ANXA8: variants seen among roughly 807,000 people sequenced by gnomAD.
ANXA8 encodes the protein VAC-beta.
In ANXA8, 9 loss-of-function variants were observed where a neutral mutation model predicts 26.8. The ratio of observed to expected loss-of-function variants is 0.34; its 90% confidence interval spans 0.20 to 0.59. The LOEUF (loss-of-function observed/expected upper bound fraction) is 0.59, where lower values mean the gene tolerates loss of function less well. Ranked by LOEUF, ANXA8 falls within the 20% of genes least tolerant of loss-of-function variation. ANXA8 has a pLI of 0.84. For missense variants in ANXA8, 83 were observed against 238.5 expected, an observed-to-expected ratio of 0.35 and a Z score of 4.29; for synonymous variants, 39 against 94.8, an observed-to-expected ratio of 0.41 and a Z score of 3.42.
the ANXA8 span, among the ~76,000 whole-genome samples, chr10:47,652,647 C>A: frequency 1.4e-5 from 2 of 143,438 alleles, no homozygotes; most frequent in Non-Finnish European, 3.0e-5. Flanking sequence ...TAATTAGTAA[C>A]CTTTAGTAAG....
At chr10:47,545,061 T>TTTTG in the ANXA8 span, among the ~76,000 whole-genome samples, 2,244 of 19,694 alleles carry the variant, frequency 0.11, 18 homozygotes, top group South Asian at 0.31. Flanking sequence ...TCTTCAGTCT[T>TTTTG]TTTGTTTGTT....
the ANXA8 span, chr10:47,753,128 A>G: frequency 4.1e-5 from 40 of 980,960 alleles, 1 homozygote; most frequent in African/African-American, 5.5e-4. Context: ...AAATAAAAAA[A>G]AAAAAGAAAA....
chr10:47,637,474 A>G, the ANXA8 span, among the ~76,000 whole-genome samples: 1 of 149,076 alleles, frequency 6.7e-6, no homozygotes, highest in African/African-American at 2.6e-5. Context: ...ATTTCTGCTT[A>G]CACAGAAAAT....
At chr10:47,587,165 T>C in the ANXA8 span, among the ~76,000 whole-genome samples, 408 of 146,712 alleles carry the variant, frequency 2.8e-3, 5 homozygotes, top group African/African-American at 0.01. Context: ...GATCATGCCA[T>C]TGCACTCCAA....
At chr10:47,707,819 CAAA>C in the ANXA8 span, among the ~76,000 whole-genome samples, 1 of 130,140 alleles carries the variant, frequency 7.7e-6, no homozygotes, top group Admixed American at 8.2e-5. Flanking sequence ...GGGGTTTTCT[CAAA>C]GAAGTTAAAA....
the ANXA8 span, chr10:47,507,704 C>T: frequency 1.4e-6 from 1 of 735,636 alleles, no homozygotes; most frequent in Non-Finnish European, 2.2e-6. Flanking sequence ...TCTTCTAGTT[C>T]AGAACAGTAC....
At chr10:47,695,019 A>G in the ANXA8 span, among the ~76,000 whole-genome samples, 2 of 151,792 alleles carry the variant, frequency 1.3e-5, no homozygotes, top group Non-Finnish European at 2.9e-5. Flanking sequence ...AGTGATTACT[A>G]TGTCACTAAT....
At chr10:47,621,940 C>G in the ANXA8 span, among the ~76,000 whole-genome samples, 1 of 100,796 alleles carries the variant, frequency 9.9e-6, no homozygotes, top group Non-Finnish European at 2.1e-5. Flanking sequence ...CTTTTTAAAA[C>G]TAATTCAGGA....
chr10:47,581,421 G>A, the ANXA8 span: 345 of 459,930 alleles, frequency 7.5e-4, 4 homozygotes, highest in South Asian at 5.8e-3. Flanking sequence ...GAACTGAGGA[G>A]GGGAAGCACA....
chr10:47,733,321 C>CCT, the ANXA8 span, among the ~76,000 whole-genome samples: 6 of 76,306 alleles, frequency 7.9e-5, 1 homozygote, highest in South Asian at 3.5e-4. Flanking sequence ...TCTCCCTCTC[C>CCT]CTCTCTCTCT....
chr10:47,639,533 G>T, the ANXA8 span, among the ~76,000 whole-genome samples: 1 of 152,170 alleles, frequency 6.6e-6, no homozygotes, highest in Admixed American at 6.5e-5. Flanking sequence ...CGCCAGGATG[G>T]TCTCGATCTC....
the ANXA8 span, among the ~76,000 whole-genome samples, chr10:47,625,877 T>TC: frequency 2.0e-4 from 30 of 151,008 alleles, no homozygotes; most frequent in South Asian, 5.0e-3. Flanking sequence ...CTCTGCAATT[T>TC]CCCCATGCCC....
At chr10:47,490,110 G>A in the ANXA8 span, among the ~76,000 whole-genome samples, 1 of 150,892 alleles carries the variant, frequency 6.6e-6, no homozygotes, top group Non-Finnish European at 1.5e-5. Flanking sequence ...GGATGTGCTA[G>A]CGCCTGCCTC....
chr10:47,553,890 G>A, the ANXA8 span, among the ~76,000 whole-genome samples: 3 of 149,336 alleles, frequency 2.0e-5, no homozygotes, highest in Admixed American at 1.3e-4. Flanking sequence ...CGTGCCCGGG[G>A]CGAATGGACT....
At chr10:47,493,571 C>T in the ANXA8 span, among the ~76,000 whole-genome samples, 1 of 150,276 alleles carries the variant, frequency 6.7e-6, no homozygotes, top group African/African-American at 2.5e-5. Context: ...CAGACCCCCT[C>T]CTCATGAGCT....
chr10:47,733,297 T>C, the ANXA8 span, among the ~76,000 whole-genome samples: 1 of 71,408 alleles, frequency 1.4e-5, no homozygotes, highest in Non-Finnish European at 2.7e-5. Flanking sequence ...CTTTCTTTCT[T>C]TTTTTTCTTT....
the ANXA8 span, among the ~76,000 whole-genome samples, chr10:47,898,883 G>C: frequency 7.1e-6 from 1 of 141,834 alleles, no homozygotes; most frequent in Admixed American, 7.5e-5. Flanking sequence ...ACTCTCCCAG[G>C]AATGCAGTGG....
At chr10:47,517,434 G>A in the ANXA8 span, among the ~76,000 whole-genome samples, 3,770 of 121,898 alleles carry the variant, frequency 0.031, 2 homozygotes, top group Admixed American at 0.052. Flanking sequence ...CAGCACGCCC[G>A]GCTACTTTTG....
At chr10:47,649,291 T>C in the ANXA8 span, among the ~76,000 whole-genome samples, 2 of 151,636 alleles carry the variant, frequency 1.3e-5, no homozygotes, top group African/African-American at 4.9e-5. Flanking sequence ...ATCCGAATTA[T>C]TCCATTTCAC....
Sources: allele counts gnomAD v4.1 joint callset (sites outside exome capture counted in the v4.1 genomes callset), GRCh38; gene constraint gnomAD v4.1.1; transcripts MANE v1.5; gene names NCBI Gene and HGNC (gene_info 2026-07-23, HGNC 2026-07-21).